Variants in CEP19 observed in about 807,000 individuals in gnomAD.
The protein encoded by CEP19 is centrosomal protein of 19 kDa.
CEP19 carries 14 observed loss-of-function variants against 17.5 expected under a neutral mutation model. The observed-to-expected ratio is 0.80, with a 90% CI of 0.53 to 1.25. CEP19 has a LOEUF of 1.25. Ranked by LOEUF, CEP19 falls within the 50% of genes most tolerant of loss-of-function variation. The pLI, the probability that CEP19 is intolerant of heterozygous loss-of-function variation, is 0.00. For synonymous variants in CEP19, 59 were observed against 65.5 expected, an observed-to-expected ratio of 0.90 and a Z score of 0.48; for missense variants, 193 against 192.0, an observed-to-expected ratio of 1.01 and a Z score of -0.03.
At chr3:196,711,466 C>T (rs1208705740) in intron 1 of CEP19, among the ~76,000 whole-genome samples, 1 of 152,162 alleles carries the variant, frequency 6.6e-6, no homozygotes, top group Non-Finnish European at 1.5e-5. Context: ...GCTGGAATTA[C>T]AGGTGCCTAC....
At chr3:196,707,976 A>C (rs1055425959) in intron 2 of CEP19, 64 bp from the exon 3 acceptor site, 4 of 1,514,564 alleles carry the variant, frequency 2.6e-6, no homozygotes, top group Non-Finnish European at 3.5e-6. Flanking sequence ...GCCATAAACT[A>C]CTGCAACAGC....
intron 1 of CEP19, among the ~76,000 whole-genome samples, chr3:196,710,842 TAAAAAA>T (rs71161953): frequency 9.2e-5 from 9 of 98,218 alleles, no homozygotes; most frequent in African/African-American, 2.3e-4. Flanking sequence ...CGCCTATTCT[TAAAAAA>T]AAAAAAAAAA....
At chr3:196,711,066 G>A (rs925976630) in intron 1 of CEP19, among the ~76,000 whole-genome samples, 5 of 149,630 alleles carry the variant, frequency 3.3e-5, no homozygotes, top group Non-Finnish European at 4.4e-5. Flanking sequence ...AGCAATGGCT[G>A]TACTCGTCAA....
intron 1 of CEP19, among the ~76,000 whole-genome samples, chr3:196,710,954 CTTT>C (rs760516872): frequency 5.4e-5 from 6 of 110,378 alleles, no homozygotes; most frequent in Non-Finnish European, 3.5e-5. Flanking sequence ...TCTTTTCTTG[CTTT>C]TTTTTTTTTT....
chr3:196,709,582 C>T lies in CEP19; in HGVS notation c.-70-855G>A, dbSNP rs575289423. 3.9e-5 allele frequency among the ~76,000 whole-genome samples: 6 copies of T among 152,332 alleles called. No individual in the cohort carries two copies. In the South Asian group the frequency reaches 1.2e-3, roughly 32 times the overall value. ...AGAATCAGCTTCTTCATATACACGTCAGTAACGTCTGCAGCTACATCATAT... is the reference window on the plus strand; with the variant it reads ...AGAATCAGCTTCTTCATATACACGTTAGTAACGTCTGCAGCTACATCATAT... On this transcript the variant is annotated intron_variant, in intron 1 of 2. Transcript: ENST00000409690.
chr3:196,708,007 G>A lies in CEP19; in HGVS notation c.131-95C>T, dbSNP rs186505967. On this transcript the variant is annotated intron_variant, in intron 2 of 2. Coordinates refer to ENST00000409690, the MANE Select transcript of CEP19 (RefSeq NM_032898.5). Reference sequence around the variant, plus strand: ...ACAGCCAAAACAGAACAAAAACTCTGAACCCTGAAAATATTATCTCCATTA... The same window carrying A: ...ACAGCCAAAACAGAACAAAAACTCTAAACCCTGAAAATATTATCTCCATTA... 3.2e-5 allele frequency: 43 copies of A among 1,335,162 alleles called. No homozygotes were observed. The East Asian group carries it at 1.0e-3, about 32-fold the overall frequency. 82.7% of individuals were successfully genotyped at this position (1,335,162 alleles called of 1,614,324 possible). A position where few individuals can be genotyped will look rare whatever the true frequency, so the allele number is the denominator to read the frequency against.
chr3:196,707,838 GC>G lies in CEP19; in HGVS notation c.204del (p.Arg68SerfsTer3). 6.2e-7 allele frequency: 1 copy of G among 1,614,044 alleles called. No homozygotes were observed. Among genetic ancestry groups the G allele is most frequent in the Middle Eastern group, 1.6e-4 (1 of 6,062 alleles). ...HKSYLEQVSL[R>X]QLEKLFSFLR... is the part of the protein sequence containing the mutation. ...AAAAAACTGAATAGCTTCTCTAGCT[GC>G]CTCAGGGATACTTGTTCTAGGTAAC... On this transcript the variant is annotated frameshift_variant, in exon 3 of 3. Transcript: ENST00000409690. LOFTEE classifies it high-confidence loss of function.
In CEP19 at chr3:196,712,234, G is replaced by A; in HGVS notation, c.-376C>T. 2.0e-6 allele frequency: 1 copy of A among 501,322 alleles called. No homozygotes were observed. Among genetic ancestry groups the A allele is most frequent in the Non-Finnish European group, 3.6e-6 (1 of 280,464 alleles). 31.1% of individuals were successfully genotyped at this position (501,322 alleles called of 1,614,324 possible). On this transcript the variant is annotated 5_prime_UTR_variant, in exon 1 of 3. Transcript: ENST00000409690. ...AGGTCCCGGCGAGCGCTGGCCTAGC[G>A]GTTTCCACAGCGACAGGCCGGGCGC...
intron 1 of CEP19, among the ~76,000 whole-genome samples, chr3:196,709,528 G>A (rs1711668784): frequency 6.6e-6 from 1 of 152,176 alleles, no homozygotes; most frequent in Non-Finnish European, 1.5e-5. Context: ...TTACAGTCTA[G>A]AAGCCTGATC....
At chr3:196,711,391 T>C (rs1358770362) in intron 1 of CEP19, among the ~76,000 whole-genome samples, 1 of 152,068 alleles carries the variant, frequency 6.6e-6, no homozygotes, top group Non-Finnish European at 1.5e-5. Context: ...AGTGGCGTGA[T>C]CTCCCCTCGC....
intron 2 of CEP19, 54 bp from the exon 3 acceptor site, chr3:196,707,966 G>A (rs1310974383): frequency 1.3e-6 from 2 of 1,536,096 alleles, no homozygotes; most frequent in Admixed American, 2.0e-5. Context: ...CATCATATAC[G>A]CCATAAACTA....
At chr3:196,709,411 T>C (rs1433874692) in intron 1 of CEP19, among the ~76,000 whole-genome samples, 1 of 152,150 alleles carries the variant, frequency 6.6e-6, no homozygotes, top group Non-Finnish European at 1.5e-5. Context: ...GGCATATTCA[T>C]TTTCCACCAC....
intron 1 of CEP19, among the ~76,000 whole-genome samples, chr3:196,709,223 C>T (rs558935833): frequency 9.2e-5 from 14 of 152,238 alleles, no homozygotes; most frequent in African/African-American, 2.9e-4. Flanking sequence ...CGAGCATCCT[C>T]GGTATCAAGG....
chr3:196,712,198 A>C lies in CEP19; in HGVS notation c.-340T>G, dbSNP rs1711832436. ...GGTCCACCGGCTCCCACCTCGGCGT[A>C]CAGGGATTCCAGGTCCCGGCGAGCG... On this transcript the variant is annotated 5_prime_UTR_variant, in exon 1 of 3. Transcript: ENST00000409690. The C allele has an allele frequency of 1.8e-6, 1 of 557,044 alleles. No homozygotes were observed. The highest frequency in any genetic ancestry group is 2.3e-5 in the South Asian group (1 of 44,376). 34.5% of individuals were successfully genotyped at this position (557,044 alleles called of 1,614,324 possible). A position where few individuals can be genotyped will look rare whatever the true frequency, so the allele number is the denominator to read the frequency against.
chr3:196,708,413 T>C, intron 2 of CEP19, 115 bp downstream of exon 2: 1 of 909,508 alleles, frequency 1.1e-6, no homozygotes, highest in Non-Finnish European at 1.7e-6. Flanking sequence ...AAACTGAAGC[T>C]CACTGAGAGT....
In CEP19 at chr3:196,706,835, C is replaced by T. The variant is rs1357628760; in HGVS notation, c.*716G>A. Reference sequence around the variant, plus strand: ...TCCTACACAAGCATCTACCTAAACACTACTATTTCAAGGGCCAGGCCACCT... The same window carrying T: ...TCCTACACAAGCATCTACCTAAACATTACTATTTCAAGGGCCAGGCCACCT... On this transcript the variant is annotated 3_prime_UTR_variant, in exon 3 of 3. Coordinates refer to ENST00000409690, the MANE Select transcript of CEP19 (RefSeq NM_032898.5). The T allele has an allele frequency of 1.3e-5, 2 of 152,148 alleles. No homozygotes were observed. Among genetic ancestry groups the T allele is most frequent in the Admixed American group, 1.3e-4 (2 of 15,268 alleles). 9.4% of individuals were successfully genotyped at this position (152,148 alleles called of 1,614,324 possible).
At chr3:196,707,946 G>GT (rs780646092) in intron 2 of CEP19, 34 bp from the exon 3 acceptor site, 1 of 1,581,450 alleles carries the variant, frequency 6.3e-7, no homozygotes, top group Non-Finnish European at 8.5e-7. Context: ...TACCACATAC[G>GT]TACCACGTAC....
chr3:196,707,763 G>A lies in CEP19; in HGVS notation c.280C>T (p.Gln94Ter). 1 of 1,614,130 alleles carries A rather than the reference G, an allele frequency of 6.2e-7. No homozygotes were observed. The change falls in exon 3 of 3, where the codon CAA (glutamine) becomes TAA (stop). Residue 94 changes from glutamine (Q) to a stop codon, truncating the protein, a stop_gained. Transcript: ENST00000409690. LOFTEE classifies it high-confidence loss of function. ...QSLAETMEQI[Q>*]RETTIDPEED... ...TCAGGATCAATGGTTGTTTCCCGTT[G>A]AATTTGTTCCATTGTTTCTGCCAGA...
rs1261283362 is a variant in CEP19 at position 196,707,533 on chromosome 3, T to A, written c.*18A>T. On this transcript the variant is annotated 3_prime_UTR_variant, in exon 3 of 3. Coordinates refer to ENST00000409690, the MANE Select transcript of CEP19 (RefSeq NM_032898.5). The stretch of plus-strand genomic sequence containing the variant: ...ATGGATATTCTGCTAGCCCAATGCA[T>A]GTTTTGAGTGTTTGGTATCAGAACT... The A allele has an allele frequency of 6.3e-7, 1 of 1,584,772 alleles. No homozygotes were observed. Among genetic ancestry groups the A allele is most frequent in the Admixed American group, 1.7e-5 (1 of 57,406 alleles).
Sources: allele counts gnomAD v4.1 joint callset (sites outside exome capture counted in the v4.1 genomes callset), GRCh38; gene constraint gnomAD v4.1.1; transcripts MANE v1.5; gene names NCBI Gene and HGNC (gene_info 2026-07-23, HGNC 2026-07-21).